Variants in POFUT3 observed in about 807,000 individuals in gnomAD.
POFUT3 encodes the protein protein O-fucosyltransferase 3, also known as GDP-fucose protein O-fucosyltransferase 3.
At chr8:33,385,953 C>T in the POFUT3 span, among the ~76,000 whole-genome samples, 434 of 151,716 alleles carry the variant, frequency 2.9e-3, 2 homozygotes, top group Non-Finnish European at 4.2e-3. Flanking sequence ...TTTGGGAGGC[C>T]GAGGCCGGTG....
chr8:33,389,247 T>C, the POFUT3 span: 2 of 1,614,136 alleles, frequency 1.2e-6, no homozygotes, highest in Non-Finnish European at 1.7e-6. Context: ...TCTGTGATGC[T>C]GGGGGATCCG....
chr8:33,441,898 C>A, the POFUT3 span, among the ~76,000 whole-genome samples: 2 of 152,268 alleles, frequency 1.3e-5, no homozygotes, highest in South Asian at 4.1e-4. Flanking sequence ...CTGTGCCCTG[C>A]CTCCCAATGC....
At chr8:33,403,729 A>AC in the POFUT3 span, among the ~76,000 whole-genome samples, 1 of 152,128 alleles carries the variant, frequency 6.6e-6, no homozygotes, top group African/African-American at 2.4e-5. Flanking sequence ...CTTTTAAAAA[A>AC]TTTTTTAAAT....
the POFUT3 span, among the ~76,000 whole-genome samples, chr8:33,355,457 C>T: frequency 6.6e-6 from 1 of 152,154 alleles, no homozygotes; most frequent in African/African-American, 2.4e-5. Context: ...AACTCCCTCA[C>T]AGACACACCT....
chr8:33,442,904 T>C, the POFUT3 span, among the ~76,000 whole-genome samples: 3 of 152,206 alleles, frequency 2.0e-5, no homozygotes, highest in South Asian at 6.2e-4. Context: ...ACACAGGCTT[T>C]GGTGAGCCCC....
chr8:33,378,952 C>G, the POFUT3 span, among the ~76,000 whole-genome samples: 1 of 152,050 alleles, frequency 6.6e-6, no homozygotes, highest in African/African-American at 2.4e-5. Flanking sequence ...TTGTAATCCC[C>G]GTGTGTCAAG....
the POFUT3 span, among the ~76,000 whole-genome samples, chr8:33,385,091 G>A: frequency 6.6e-6 from 1 of 152,186 alleles, no homozygotes; most frequent in East Asian, 1.9e-4. Flanking sequence ...TCCATACATG[G>A]GACTGTGCTC....
At chr8:33,326,838 C>A in the POFUT3 span, among the ~76,000 whole-genome samples, 6 of 152,166 alleles carry the variant, frequency 3.9e-5, no homozygotes, top group African/African-American at 1.4e-4. Flanking sequence ...AGTATAGTGG[C>A]AAGATCATAG....
the POFUT3 span, among the ~76,000 whole-genome samples, chr8:33,337,788 G>A: frequency 5.1e-3 from 776 of 152,250 alleles, 6 homozygotes; most frequent in African/African-American, 0.017. Context: ...TAGGGCTGTC[G>A]TAACAAAATA....
the POFUT3 span, chr8:33,371,951 C>G: frequency 6.4e-6 from 1 of 155,950 alleles, no homozygotes; most frequent in African/African-American, 2.4e-5. Flanking sequence ...ACAAGACATT[C>G]TACTTTGAAG....
At chr8:33,368,325 C>T in the POFUT3 span, among the ~76,000 whole-genome samples, 1 of 152,224 alleles carries the variant, frequency 6.6e-6, no homozygotes, top group South Asian at 2.1e-4. Flanking sequence ...TCAAACACCT[C>T]TATCCCTTGC....
the POFUT3 span, among the ~76,000 whole-genome samples, chr8:33,449,517 T>C: frequency 6.6e-6 from 1 of 152,024 alleles, no homozygotes; most frequent in Non-Finnish European, 1.5e-5. Context: ...CTCAAACTCC[T>C]GACCTCAGGT....
chr8:33,430,578 T>C, the POFUT3 span, among the ~76,000 whole-genome samples: 1 of 152,116 alleles, frequency 6.6e-6, no homozygotes, highest in Non-Finnish European at 1.5e-5. Context: ...ACAGAGAAAA[T>C]TTAAAGACAT....
chr8:33,355,749 C>T, the POFUT3 span, among the ~76,000 whole-genome samples: 14 of 151,872 alleles, frequency 9.2e-5, no homozygotes, highest in African/African-American at 3.1e-4. Context: ...TATACATGTG[C>T]CATGCTGGTG....
At chr8:33,318,223 C>T in the POFUT3 span, among the ~76,000 whole-genome samples, 8 of 151,742 alleles carry the variant, frequency 5.3e-5, no homozygotes, top group South Asian at 6.2e-4. Flanking sequence ...TTTGTATTTT[C>T]GTCTGAAGTT....
At chr8:33,465,405 T>C in the POFUT3 span, among the ~76,000 whole-genome samples, 43 of 139,632 alleles carry the variant, frequency 3.1e-4, no homozygotes, top group African/African-American at 2.5e-4. Flanking sequence ...TATATATATA[T>C]ACACACATAC....
chr8:33,372,074 G>C, the POFUT3 span: 1 of 811,754 alleles, frequency 1.2e-6, no homozygotes, highest in East Asian at 1.3e-4. Flanking sequence ...AGAGTGGATA[G>C]TGGATAAACT....
At chr8:33,327,030 T>A in the POFUT3 span, among the ~76,000 whole-genome samples, 6 of 152,178 alleles carry the variant, frequency 3.9e-5, no homozygotes, top group African/African-American at 1.4e-4. Flanking sequence ...CTCCTGTCTC[T>A]GCGTCCCAAA....
the POFUT3 span, among the ~76,000 whole-genome samples, chr8:33,345,885 G>A: frequency 6.6e-6 from 1 of 150,714 alleles, no homozygotes; most frequent in Admixed American, 6.6e-5. Flanking sequence ...GAGTGCAACG[G>A]GGTGATCTTG....
Sources: gnomAD v4.1 joint callset for allele counts (sites outside exome capture counted in the v4.1 genomes callset) on GRCh38, gnomAD v4.1.1 for gene constraint, MANE v1.5 for transcripts, NCBI Gene and HGNC (gene_info 2026-07-23, HGNC 2026-07-21) for gene names.